Variants in BICRA observed in about 807,000 individuals in gnomAD.
BICRA encodes BRD4-interacting chromatin-remodeling complex-associated protein.
BICRA carries 31 observed loss-of-function variants against 96.9 expected under a neutral mutation model. The observed-to-expected ratio is 0.32, with a 90% CI of 0.24 to 0.43. The LOEUF (loss-of-function observed/expected upper bound fraction) is 0.43. Ranked by LOEUF, BICRA falls within the 20% of genes least tolerant of loss-of-function variation. BICRA has a pLI of 1.00. For missense variants in BICRA, 2,283 were observed against 2,190.3 expected (o/e 1.04, Z -0.84); for synonymous variants, 1,350 against 1,071.8 (o/e 1.26, Z -5.07).
chr19:47,609,293 G>A (rs535918227), intron 1 of BICRA, 125 bp downstream of exon 1: 11 of 151,336 alleles, frequency 7.3e-5, no homozygotes, highest in African/African-American at 2.4e-4. Flanking sequence ...GTGTGTGTGG[G>A]GGGAGCCGGA....
intron 1 of BICRA, among the ~76,000 whole-genome samples, chr19:47,642,417 C>A (rs1017073788): frequency 6.6e-6 from 1 of 152,084 alleles, no homozygotes; most frequent in African/African-American, 2.4e-5. Context: ...TAGAAACTGC[C>A]CACCTGGGCG....
At position 47,680,078 on chromosome 19, in the gene BICRA, G is replaced by A; in HGVS notation, c.908G>A (p.Gly303Glu). The change falls in exon 6 of 15, where the codon GGG (glycine) becomes GAG (glutamate). Residue 303 changes from glycine (G) to glutamate (E), a missense_variant. Coordinates refer to ENST00000594866, the MANE Select transcript of BICRA (RefSeq NM_001394372.1). Reference sequence around the variant, plus strand: ...GCCGCTGTGGCCACCACGCTCAATGGGAACTCTGTGTTCGGAGGCGCGGGG... The same window carrying A: ...GCCGCTGTGGCCACCACGCTCAATGAGAACTCTGTGTTCGGAGGCGCGGGG... ...LSAAVATTLN[G>E]NSVFGGAGAA... 1 of 1,563,816 alleles carries A rather than the reference G, an allele frequency of 6.4e-7. No homozygotes were observed. The highest frequency in any genetic ancestry group is 1.4e-5 in the African/African-American group (1 of 72,726).
chr19:47,694,119 C>G lies in BICRA; in HGVS notation c.2288C>G (p.Pro763Arg). 1 of 1,500,812 alleles carries G rather than the reference C, an allele frequency of 6.7e-7. No individual in the cohort carries two copies. The highest frequency in any genetic ancestry group is 8.9e-7 in the Non-Finnish European group (1 of 1,123,170). 93.0% of individuals were successfully genotyped at this position (1,500,812 alleles called of 1,614,324 possible). Residue 763 changes from proline to arginine, a missense_variant, in exon 8 of 15, where the codon CCG becomes CGG. Transcript: ENST00000594866. ...CTCCCTCCCTCCCCTGCCCAGATCC[C>G]GGCAGCGGCTCCGCTGAAGGGCCCA... ...QASPAPAPQI[P>R]AAAPLKGPGP...
intron 1 of BICRA, among the ~76,000 whole-genome samples, chr19:47,649,535 A>G (rs991845701): frequency 7.9e-5 from 12 of 152,182 alleles, no homozygotes; most frequent in African/African-American, 2.7e-4. Flanking sequence ...CTCAGTGTCA[A>G]TGTATTGATT....
In BICRA at chr19:47,694,934, G is replaced by A. The variant is rs959984924; in HGVS notation, c.2930G>A (p.Gly977Glu). The change falls in exon 9 of 15, where the codon GGG (glycine) becomes GAG (glutamate). Residue 977 changes from glycine (G) to glutamate (E), a missense_variant. Physicochemically the swap from Gly to Glu is moderately conservative, Grantham distance 98. Coordinates refer to ENST00000594866, the MANE Select transcript of BICRA (RefSeq NM_001394372.1). Reference protein sequence around the residue: ...PSGIILQNKAGGAPAAPQTST... With the variant: ...PSGIILQNKAEGAPAAPQTST... ...GGAATCATCCTCCAGAACAAGGCTG[G>A]GGGGGCCCCTGCCGCCCCGCAGACC... 7 of 1,531,386 alleles carry A rather than the reference G, an allele frequency of 4.6e-6. No homozygotes were observed. The African/African-American group carries it at 9.8e-5, about 21-fold the overall frequency. 94.9% of individuals were successfully genotyped at this position (1,531,386 alleles called of 1,614,324 possible).
At chr19:47,633,675 G>C (rs1972255747) in intron 1 of BICRA, among the ~76,000 whole-genome samples, 1 of 152,192 alleles carries the variant, frequency 6.6e-6, no homozygotes, top group South Asian at 2.1e-4. Context: ...AGAGCTTCCA[G>C]GTTTAGGGAG....
At chr19:47,659,121 G>A (rs1203774598) in intron 1 of BICRA, among the ~76,000 whole-genome samples, 1 of 152,182 alleles carries the variant, frequency 6.6e-6, no homozygotes, top group Non-Finnish European at 1.5e-5. Context: ...GGTGAAAAGG[G>A]AAAAGAGAAG....
chr19:47,695,677 A>C (rs1973329316), intron 10 of BICRA, among the ~76,000 whole-genome samples: 2 of 152,122 alleles, frequency 1.3e-5, no homozygotes, highest in Admixed American at 6.5e-5. Context: ...ATGAGGGAGA[A>C]ACACGGAGAC....
chr19:47,653,081 G>C (rs1460761170), intron 1 of BICRA, among the ~76,000 whole-genome samples: 1 of 139,436 alleles, frequency 7.2e-6, no homozygotes, highest in African/African-American at 2.8e-5. Context: ...GGAGTGCAGT[G>C]TTATGTTCTC....
Position 47,680,793 on chromosome 19 carries a change from C to T in BICRA, c.1623C>T (p.Ile541=), listed in dbSNP as rs1973035018. 2.5e-6 allele frequency: 4 copies of T among 1,609,414 alleles called. No homozygotes were observed. Among genetic ancestry groups the T allele is most frequent in the Non-Finnish European group, 3.4e-6 (4 of 1,178,992 alleles). The part of the protein sequence containing the change: ...APHSGAHSAH[I]LSAAPIQVGQ... ...ACTCCGGGGCCCACAGCGCGCACAT[C>T]CTCTCCGCCGCTCCCATCCAGGTGG... The change falls in exon 6 of 15, where the codon ATC becomes ATT. Residue 541 remains isoleucine (I), a synonymous_variant. Transcript: ENST00000594866.
intron 1 of BICRA, among the ~76,000 whole-genome samples, chr19:47,636,853 T>C (rs1297962620): frequency 1.3e-5 from 2 of 152,070 alleles, no homozygotes; most frequent in Non-Finnish European, 2.9e-5. Flanking sequence ...AATTTCTCCC[T>C]GTAACCTCAC....
intron 1 of BICRA, among the ~76,000 whole-genome samples, chr19:47,623,791 C>T (rs1381350459): frequency 6.6e-6 from 1 of 150,750 alleles, no homozygotes; most frequent in Non-Finnish European, 1.5e-5. Flanking sequence ...CTAGCATGAT[C>T]CAAGGTCATT....
chr19:47,693,974 T>G, intron 7 of BICRA, 141 bp from the exon 8 acceptor site: 2 of 982,642 alleles, frequency 2.0e-6, no homozygotes, highest in Non-Finnish European at 2.9e-6. Context: ...GCAGCCGTGG[T>G]GGGCTCCTCT....
intron 1 of BICRA, among the ~76,000 whole-genome samples, chr19:47,627,924 T>A (rs1341711753): frequency 2.0e-5 from 3 of 152,124 alleles, no homozygotes; most frequent in Admixed American, 2.0e-4. Flanking sequence ...CGCATGCCAC[T>A]ATGTCTGGCT....
At chr19:47,687,839 C>T (rs1344801006) in intron 7 of BICRA, among the ~76,000 whole-genome samples, 1 of 121,126 alleles carries the variant, frequency 8.3e-6, no homozygotes, top group Non-Finnish European at 1.8e-5. Context: ...AAAAAAAAAA[C>T]TTGCACCCAT....
chr19:47,676,448 A>G (rs1972942149), intron 5 of BICRA, among the ~76,000 whole-genome samples: 1 of 152,010 alleles, frequency 6.6e-6, no homozygotes, highest in African/African-American at 2.4e-5. Context: ...GTGCCTGACT[A>G]TGCCGGTCCC....
chr19:47,689,306 G>T (rs1478004170), intron 7 of BICRA, among the ~76,000 whole-genome samples: 1 of 151,836 alleles, frequency 6.6e-6, no homozygotes, highest in Non-Finnish European at 1.5e-5. Flanking sequence ...GTCTTGCTCT[G>T]TTGCCCAGGC....
chr19:47,673,879 C>T (rs141024152), intron 4 of BICRA, 117 bp downstream of exon 4: 53 of 901,658 alleles, frequency 5.9e-5, no homozygotes, highest in East Asian at 1.4e-4. Flanking sequence ...TGGCTTCTAA[C>T]GCCAGGCACT....
intron 7 of BICRA, among the ~76,000 whole-genome samples, chr19:47,683,039 C>T (rs1026629828): frequency 1.3e-5 from 2 of 152,122 alleles, no homozygotes; most frequent in Admixed American, 1.3e-4. Flanking sequence ...TTTATTTAGC[C>T]AGTCTAAATT....
Sources: gnomAD v4.1 joint callset for allele counts (sites outside exome capture counted in the v4.1 genomes callset) on GRCh38, gnomAD v4.1.1 for gene constraint, MANE v1.5 for transcripts, NCBI Gene and HGNC (gene_info 2026-07-23, HGNC 2026-07-21) for gene names.